IVNS1ABP: variants seen among roughly 807,000 people sequenced by gnomAD.
The protein encoded by IVNS1ABP is influenza virus NS1A-binding protein.
Under a neutral mutation model 78.9 loss-of-function variants are expected in IVNS1ABP, and 25 were observed. The observed-to-expected ratio is 0.32, with a 90% CI of 0.23 to 0.44. IVNS1ABP has a LOEUF of 0.44. Among genes scored for constraint, IVNS1ABP ranks in the 20% least tolerant of loss-of-function variants. IVNS1ABP has a pLI of 1.00. For synonymous variants in IVNS1ABP, 241 were observed against 259.7 expected (o/e 0.93, Z 0.69); for missense variants, 494 against 768.9 (o/e 0.64, Z 4.23).
At chr1:185,306,616 G>T in intron 7 of IVNS1ABP, 1 of 1,225,698 alleles carries the variant, frequency 8.2e-7, no homozygotes, top group Non-Finnish European at 1.0e-6. Context: ...TCCTAGTTTT[G>T]TTAATAAACC....
intron 1 of IVNS1ABP, among the ~76,000 whole-genome samples, chr1:185,315,292 C>T (rs1665986226): frequency 6.6e-6 from 1 of 152,136 alleles, no homozygotes; most frequent in South Asian, 2.1e-4. Flanking sequence ...ACAAATCCTT[C>T]AAGCAAGAAA....
chr1:185,316,839 G>A (rs1666046863), intron 1 of IVNS1ABP, 114 bp downstream of exon 1: 1 of 395,248 alleles, frequency 2.5e-6, no homozygotes, highest in East Asian at 3.6e-5. Context: ...CCCTGATGAG[G>A]ACACCGCTTC....
intron 8 of IVNS1ABP, 43 bp from the exon 9 acceptor site, chr1:185,301,606 A>T: frequency 6.2e-7 from 1 of 1,609,576 alleles, no homozygotes; most frequent in Non-Finnish European, 8.5e-7. Flanking sequence ...GCCAAAGACC[A>T]CATCTGATGT....
Position 185,301,012 on chromosome 1 carries a change from A to G in IVNS1ABP, c.1080T>C (p.Gly360=). The G allele has an allele frequency of 6.2e-7, 1 of 1,613,440 alleles. No homozygotes were observed. Among genetic ancestry groups the G allele is most frequent in the East Asian group, 2.2e-5 (1 of 44,872 alleles). The change falls in exon 10 of 15, where the codon GGT becomes GGC. Residue 360 remains glycine (G), a synonymous_variant. Transcript: ENST00000367498. ...TGCCATTCATCTCTGCTGTTCCCAG[A>G]CCAGATCGTGCGTACTGCATAGGAG... The part of the protein sequence containing the change: ...PMSPMQYARS[G]LGTAEMNGKL...
At position 185,300,040 on chromosome 1, in the gene IVNS1ABP, G is replaced by A. The variant is rs1665530119; in HGVS notation, c.1460C>T (p.Pro487Leu). ...ACAGCTTGTCCACAACTTTGTTACAGGATCAAATACATCACAATTTTTCAG... is the reference window on the plus strand; with the variant it reads ...ACAGCTTGTCCACAACTTTGTTACAAGATCAAATACATCACAATTTTTCAG... ...KGLKNCDVFD[P>L]VTKLWTSCAP... is the part of the protein sequence containing the mutation. Residue 487 changes from proline to leucine, a missense_variant, in exon 13 of 15, where the codon CCT becomes CTT. Physicochemically the swap from Pro to Leu is moderately conservative, Grantham distance 98 (BLOSUM62 -3). Transcript: ENST00000367498. 2 of 1,613,344 alleles carry A rather than the reference G, an allele frequency of 1.2e-6. No homozygotes were observed. Among genetic ancestry groups the A allele is most frequent in the Non-Finnish European group, 1.7e-6 (2 of 1,179,728 alleles).
chr1:185,315,153 A>C (rs911480751), intron 1 of IVNS1ABP, among the ~76,000 whole-genome samples: 2 of 152,238 alleles, frequency 1.3e-5, no homozygotes, highest in African/African-American at 2.4e-5. Context: ...ATACAATCGC[A>C]CTGCTAAAAA....
Position 185,300,348 on chromosome 1 carries a change from G to A in IVNS1ABP, c.1243-5C>T. ...ACCTACCACATAGAGCTGGCCCTAT[G>A]CCAAAAGTGAGAGATGAGAATTTCT... is the stretch of plus-strand genomic sequence containing the variant. On this transcript the variant is annotated splice_polypyrimidine_tract_variant and splice_region_variant and intron_variant, in intron 11 of 14. Transcript: ENST00000367498. 1 of 1,613,416 alleles carries A rather than the reference G, an allele frequency of 6.2e-7. No individual in the cohort carries two copies. The highest frequency in any genetic ancestry group is 8.5e-7 in the Non-Finnish European group (1 of 1,179,698).
At chr1:185,303,272 A>G (rs1362945173) in intron 8 of IVNS1ABP, among the ~76,000 whole-genome samples, 1 of 152,162 alleles carries the variant, frequency 6.6e-6, no homozygotes, top group Non-Finnish European at 1.5e-5. Context: ...ATGCTGATTA[A>G]ATCCTTTATA....
chr1:185,300,142 T>G lies in IVNS1ABP; in HGVS notation c.1370-12A>C, dbSNP rs774513637. ...CAGAGCACACACTCCTATGTAAGTATAAAATAAAGTTACATATTGATAATT... is the reference window on the plus strand; with the variant it reads ...CAGAGCACACACTCCTATGTAAGTAGAAAATAAAGTTACATATTGATAATT... On this transcript the variant is annotated splice_polypyrimidine_tract_variant and intron_variant, in intron 12 of 14. Transcript: ENST00000367498. The G allele has an allele frequency of 6.2e-7, 1 of 1,610,352 alleles. No homozygotes were observed. The highest frequency in any genetic ancestry group is 2.2e-5 in the East Asian group (1 of 44,826).
chr1:185,302,475 A>G (rs547121596), intron 8 of IVNS1ABP, among the ~76,000 whole-genome samples: 1 of 152,248 alleles, frequency 6.6e-6, no homozygotes, highest in African/African-American at 2.4e-5. Context: ...TGCTCATCCC[A>G]CTTGTGCTGG....
intron 14 of IVNS1ABP, 128 bp downstream of exon 14, chr1:185,299,582 G>GC (rs1415619539): frequency 2.4e-6 from 2 of 825,022 alleles, no homozygotes; most frequent in Non-Finnish European, 2.1e-6. Flanking sequence ...AATCTCCATT[G>GC]CATCAAAAGA....
intron 8 of IVNS1ABP, among the ~76,000 whole-genome samples, chr1:185,304,726 C>A (rs953079017): frequency 6.6e-6 from 1 of 152,038 alleles, no homozygotes; most frequent in Admixed American, 6.6e-5. Flanking sequence ...GAGCACTATA[C>A]GGAAACGGTT....
rs550028248 is a variant in IVNS1ABP, at chr1:185,307,076, T to G, written c.595A>C (p.Ile199Leu). The stretch of plus-strand genomic sequence containing the variant: ...CAGATGCTACGCTGCACCCAGTTGA[T>G]TACCTTTGTATATAATTTGCCATTG... ...PSNGKLYTKV[I>L]NWVQRSIWEN... Residue 199 changes from isoleucine to leucine, a missense_variant, in exon 7 of 15, where the codon ATC becomes CTC. Coordinates refer to ENST00000367498, the MANE Select transcript of IVNS1ABP (RefSeq NM_006469.5). The G allele has an allele frequency of 6.2e-7, 1 of 1,613,552 alleles. No homozygotes were observed. The highest frequency in any genetic ancestry group is 8.5e-7 in the Non-Finnish European group (1 of 1,179,556).
chr1:185,301,079 CT>C lies in IVNS1ABP; in HGVS notation c.1012del (p.Ser338AlafsTer9). On this transcript the variant is annotated frameshift_variant, in exon 10 of 15. Coordinates refer to ENST00000367498, the MANE Select transcript of IVNS1ABP (RefSeq NM_006469.5). LOFTEE classifies it high-confidence loss of function. The part of the protein sequence containing the change: ...TSTPKLSKSL[S>X]FEMQQDELIE... ...TAGCTCATCTTGTTGCATCTCAAAG[CT>C]TAAACTCTTACTTAGTTTTGGAGTA... 1 of 1,613,494 alleles carries C rather than the reference CT, an allele frequency of 6.2e-7. No individual in the cohort carries two copies. The highest frequency in any genetic ancestry group is 8.5e-7 in the Non-Finnish European group (1 of 1,179,680).
intron 7 of IVNS1ABP, 94 bp downstream of exon 7, chr1:185,306,920 G>T: frequency 7.1e-7 from 1 of 1,409,116 alleles, no homozygotes. Context: ...ATTCTTTAGG[G>T]TCATGGTTAT....
rs764822602 is a variant in IVNS1ABP at position 185,309,134 on chromosome 1, T to G, written c.150A>C (p.Leu50=). Residue 50 remains leucine, a synonymous_variant, in exon 4 of 15, where the codon CTA becomes CTC. Transcript: ENST00000367498. Reference sequence around the variant, plus strand: ...CAAATAAATAGGGACTGCAGCAAGCTAGCACTGCTCTGTGTGCTAACATTT... The same window carrying G: ...CAAATAAATAGGGACTGCAGCAAGCGAGCACTGCTCTGTGTGCTAACATTT... ...GHEMLAHRAV[L]ACCSPYLFEI... is the part of the protein sequence containing the mutation. 1.4e-5 allele frequency: 22 copies of G among 1,610,534 alleles called. No individual in the cohort carries two copies. The South Asian group carries it at 2.4e-4, about 18-fold the overall frequency.
intron 1 of IVNS1ABP, among the ~76,000 whole-genome samples, chr1:185,315,785 T>C (rs922664086): frequency 3.9e-5 from 6 of 152,226 alleles, no homozygotes; most frequent in Non-Finnish European, 7.4e-5. Flanking sequence ...GTCTAGTCCA[T>C]GCTGTACTTA....
intron 1 of IVNS1ABP, among the ~76,000 whole-genome samples, chr1:185,316,154 G>A (rs1408949567): frequency 6.6e-6 from 1 of 152,156 alleles, no homozygotes; most frequent in Non-Finnish European, 1.5e-5. Flanking sequence ...TCTTGCCACT[G>A]ATTTCTTTCA....
chr1:185,308,104 C>A, intron 5 of IVNS1ABP: 2 of 1,466,922 alleles, frequency 1.4e-6, no homozygotes, highest in South Asian at 2.6e-5. Context: ...AATCTAGAAA[C>A]TAAATGCAGG....
Sources: gnomAD v4.1 joint callset for allele counts (sites outside exome capture counted in the v4.1 genomes callset) on GRCh38, gnomAD v4.1.1 for gene constraint, MANE v1.5 for transcripts, NCBI Gene and HGNC (gene_info 2026-07-23, HGNC 2026-07-21) for gene names.